The following EYS variants were observed in gnomAD, a reference collection of about 807,000 sequenced individuals.
EYS encodes the protein protein eyes shut homolog.
Under a neutral mutation model 282.1 loss-of-function variants are expected in EYS, and 250 were observed. The ratio of observed to expected loss-of-function variants is 0.89; its 90% CI spans 0.80 to 0.98. The LOEUF (loss-of-function observed/expected upper bound fraction) is 0.98, where lower values mean the gene tolerates loss of function less well. Among genes scored for constraint, EYS ranks in the 50% least tolerant of loss-of-function variants. The probability of loss-of-function intolerance (pLI) is 0.00; values close to 1 mark genes in which losing one functional copy is unlikely to be tolerated. For missense variants in EYS, 4,016 were observed against 3,709.0 expected (o/e 1.08, Z -2.15); for synonymous variants, 1,355 against 1,282.9 (o/e 1.06, Z -1.20).
At chr6:64,707,256 AC>A (rs1583064121) in intron 22 of EYS, among the ~76,000 whole-genome samples, 2 of 152,182 alleles carry the variant, frequency 1.3e-5, no homozygotes, top group East Asian at 3.9e-4. Flanking sequence ...GGAAAACCAA[AC>A]ATTGTATCTT....
intron 30 of EYS, among the ~76,000 whole-genome samples, chr6:64,260,488 G>A (rs748638412): frequency 6.6e-6 from 1 of 152,054 alleles, no homozygotes; most frequent in Non-Finnish European, 1.5e-5. Context: ...GGAAGAAAGA[G>A]ATGCATACCT....
chr6:63,829,858 A>G (rs1771577886), intron 36 of EYS, among the ~76,000 whole-genome samples: 1 of 152,182 alleles, frequency 6.6e-6, no homozygotes, highest in Admixed American at 6.5e-5. Flanking sequence ...CCCCTCTGAG[A>G]CAAAGCTTCC....
chr6:65,405,627 C>T (rs1039091807), intron 5 of EYS, among the ~76,000 whole-genome samples: 8 of 151,990 alleles, frequency 5.3e-5, no homozygotes, highest in Non-Finnish European at 1.0e-4. Context: ...AAGAAGAGCT[C>T]TTTTGTAGTC....
chr6:63,839,251 C>T (rs1441791771), intron 36 of EYS, among the ~76,000 whole-genome samples: 1 of 152,142 alleles, frequency 6.6e-6, no homozygotes, highest in African/African-American at 2.4e-5. Flanking sequence ...AATCACTATT[C>T]TACTTTATAG....
At chr6:65,554,141 C>A (rs2127336612) in intron 2 of EYS, among the ~76,000 whole-genome samples, 1 of 152,270 alleles carries the variant, frequency 6.6e-6, no homozygotes, top group Middle Eastern at 3.4e-3. Context: ...ATCGTCCTGT[C>A]ACTGGATCTC....
intron 12 of EYS, among the ~76,000 whole-genome samples, chr6:65,067,620 C>T (rs1208323860): frequency 6.6e-6 from 1 of 151,882 alleles, no homozygotes; most frequent in East Asian, 1.9e-4. Flanking sequence ...AACTAGAAAA[C>T]ATAATTAACT....
chr6:63,955,394 A>T (rs1220143360), intron 35 of EYS, among the ~76,000 whole-genome samples: 1 of 152,156 alleles, frequency 6.6e-6, no homozygotes, highest in African/African-American at 2.4e-5. Context: ...TGGATTAAAG[A>T]TCTTCAGTGG....
At chr6:64,657,229 A>G (rs558471615) in intron 22 of EYS, among the ~76,000 whole-genome samples, 200 of 151,932 alleles carry the variant, frequency 1.3e-3, no homozygotes, top group Non-Finnish European at 2.0e-3. Context: ...CCATCCCTTT[A>G]TTTTGAGCCT....
chr6:64,082,449 A>G (rs1772004838), intron 31 of EYS, among the ~76,000 whole-genome samples: 1 of 152,188 alleles, frequency 6.6e-6, no homozygotes, highest in Non-Finnish European at 1.5e-5. Context: ...AATACAATGT[A>G]TCATAATCAC....
intron 12 of EYS, among the ~76,000 whole-genome samples, chr6:65,105,754 GAA>G (rs1174649511): frequency 6.6e-6 from 1 of 151,898 alleles, no homozygotes; most frequent in Non-Finnish European, 1.5e-5. Context: ...GAGATTCAGA[GAA>G]AAAGTCATGA....
chr6:65,292,538 A>C (rs967366240), intron 12 of EYS, among the ~76,000 whole-genome samples: 18 of 151,880 alleles, frequency 1.2e-4, no homozygotes, highest in Non-Finnish European at 2.7e-4. Flanking sequence ...AGAAGTACGA[A>C]GGCACCTAGA....
chr6:63,965,902 G>T (rs1218968081), intron 35 of EYS, among the ~76,000 whole-genome samples: 2 of 152,162 alleles, frequency 1.3e-5, no homozygotes, highest in Non-Finnish European at 2.9e-5. Flanking sequence ...ATTGTCGAAA[G>T]AATATGAACC....
intron 12 of EYS, among the ~76,000 whole-genome samples, chr6:65,190,294 T>C (rs990947686): frequency 5.4e-5 from 8 of 148,144 alleles, no homozygotes; most frequent in Non-Finnish European, 1.5e-5. Context: ...AGTATTTTCA[T>C]GTATAAATAT....
intron 26 of EYS, among the ~76,000 whole-genome samples, chr6:64,574,334 T>C (rs1765816945): frequency 1.3e-5 from 2 of 152,256 alleles, no homozygotes; most frequent in South Asian, 4.1e-4. Context: ...AGATGACAGG[T>C]TGATGGTTGC....
intron 30 of EYS, among the ~76,000 whole-genome samples, chr6:64,244,447 T>C (rs1222075785): frequency 6.6e-6 from 1 of 152,210 alleles, no homozygotes; most frequent in Non-Finnish European, 1.5e-5. Context: ...CCTTTGTCTT[T>C]GTTGAACAGA....
intron 18 of EYS, among the ~76,000 whole-genome samples, chr6:64,899,800 C>T (rs931333307): frequency 2.0e-5 from 3 of 152,000 alleles, no homozygotes; most frequent in South Asian, 2.1e-4. Flanking sequence ...ATGGCCACAC[C>T]GCCCAAAGTA....
At chr6:64,686,854 T>TATACACACACATATATAC (rs1562134056) in intron 22 of EYS, among the ~76,000 whole-genome samples, 13 of 19,742 alleles carry the variant, frequency 6.6e-4, no homozygotes, top group African/African-American at 1.9e-3. Flanking sequence ...TATATATATA[T>TATACACACACATATATAC]GTGTATATAT....
intron 2 of EYS, among the ~76,000 whole-genome samples, chr6:65,519,701 TATATATA>T (rs1317717460): frequency 2.1e-5 from 1 of 47,630 alleles, no homozygotes; most frequent in African/African-American, 1.2e-4. Flanking sequence ...TATATATATA[TATATATA>T]TTTTTTTTTT....
chr6:65,241,227 TATACTC>T (rs1301577184), intron 12 of EYS, among the ~76,000 whole-genome samples: 2 of 152,250 alleles, frequency 1.3e-5, no homozygotes, highest in South Asian at 2.1e-4. Flanking sequence ...ACGAAATAGA[TATACTC>T]ATAAAACTTA....
Sources: allele counts gnomAD v4.1 joint callset (sites outside exome capture counted in the v4.1 genomes callset), GRCh38; gene constraint gnomAD v4.1.1; transcripts MANE v1.5; gene names NCBI Gene and HGNC (gene_info 2026-07-23, HGNC 2026-07-21).